The following KCNQ1 variants were observed in gnomAD, a reference collection of about 807,000 sequenced individuals.
The protein encoded by KCNQ1 is potassium voltage-gated channel subfamily KQT member 1.
Under a neutral mutation model 72.4 loss-of-function variants are expected in KCNQ1, and 49 were observed. The observed-to-expected ratio is 0.68, with a 90% CI of 0.54 to 0.86. KCNQ1 has a LOEUF of 0.86. Ranked by LOEUF, KCNQ1 falls within the 40% of genes least tolerant of loss-of-function variation. The pLI is 0.00. For missense variants in KCNQ1, 790 were observed against 945.1 expected, an observed-to-expected ratio of 0.84 and a Z score of 2.15; for synonymous variants, 450 against 412.6, an observed-to-expected ratio of 1.09 and a Z score of -1.10.
In KCNQ1 at chr11:2,445,106, C is replaced by G. The variant is rs794728543; in HGVS notation, c.8C>G (p.Ala3Gly). 1 of 1,090,190 alleles carries G rather than the reference C, an allele frequency of 9.2e-7. No homozygotes were observed. Among genetic ancestry groups the G allele is most frequent in the Admixed American group, 5.2e-5 (1 of 19,118 alleles). 67.5% of individuals were successfully genotyped at this position (1,090,190 alleles called of 1,614,324 possible). A position where few individuals can be genotyped will look rare whatever the true frequency, so the allele number is the denominator to read the frequency against. The change falls in exon 1 of 16, where the codon GCG becomes GGG. Residue 3 changes from alanine to glycine, a missense_variant. This residue lies in a region of KCNQ1 where 294 missense variants were observed against 323.3 expected (regional missense o/e 0.91). Transcript: ENST00000155840. MAAASSPPRAERK... is the reference protein window; with the variant it reads MAGASSPPRAERK... Reference sequence around the variant, plus strand: ...CGGCAGGCCCTCCTCGTTATGGCCGCGGCCTCCTCCCCGCCCAGGGCCGAG... The same window carrying G: ...CGGCAGGCCCTCCTCGTTATGGCCGGGGCCTCCTCCCCGCCCAGGGCCGAG...
At chr11:2,786,101 T>G (rs1846907264) in intron 15 of KCNQ1, among the ~76,000 whole-genome samples, 1 of 152,196 alleles carries the variant, frequency 6.6e-6, no homozygotes, top group African/African-American at 2.4e-5. Flanking sequence ...TACCTTTTTA[T>G]GTGACTGAGG....
At chr11:2,520,415 C>T (rs72847658) in intron 1 of KCNQ1, among the ~76,000 whole-genome samples, 26,574 of 152,180 alleles carry the variant, frequency 0.17, 2,580 homozygotes, top group East Asian at 0.41. Context: ...GGCCCAGGCT[C>T]CATCCATGCA....
At position 2,526,246 on chromosome 11, in the gene KCNQ1, G is replaced by A. The variant is rs1372595637; in HGVS notation, c.387-1682G>A. ...GGGTGTGTGGGCTGGGGGCGCCGAG[G>A]GTGGAGGTGGGCACTGTGGTCAGGG... On this transcript the variant is annotated intron_variant, in intron 1 of 15. Transcript: ENST00000155840. This position sits in a 1 kb window ranked among gnomAD's most constrained non-coding sequence, Gnocchi z 6.1. 6.6e-6 allele frequency among the ~76,000 whole-genome samples: 1 copy of A among 152,072 alleles called. No individual in the cohort carries two copies. The highest frequency in any genetic ancestry group is 1.5e-5 in the Non-Finnish European group (1 of 67,998).
At chr11:2,529,729 C>T (rs1315610428) in intron 2 of KCNQ1, among the ~76,000 whole-genome samples, 2 of 152,134 alleles carry the variant, frequency 1.3e-5, no homozygotes, top group African/African-American at 4.8e-5. Flanking sequence ...TTTGCGTTTC[C>T]AGATAAGGGA....
rs1174956711 is a variant in KCNQ1 at position 2,621,618 on chromosome 11, T to G, written c.1393+32764T>G. 7.5e-6 allele frequency: 3 copies of G among 398,480 alleles called. No individual in the cohort carries two copies. 24.7% of individuals were successfully genotyped at this position (398,480 alleles called of 1,614,324 possible). On this transcript the variant is annotated intron_variant, in intron 10 of 15. Transcript: ENST00000155840. This position sits in a 1 kb window ranked among gnomAD's most constrained non-coding sequence, Gnocchi z 5.7. ...TCCTGATTTAATCTTAGCAGGTTGG[T>G]TTTTTTCTAGGAATTTGTCCATTTC... is the stretch of plus-strand genomic sequence containing the variant.
chr11:2,835,610 C>T (rs1240178155), intron 15 of KCNQ1, among the ~76,000 whole-genome samples: 1 of 152,158 alleles, frequency 6.6e-6, no homozygotes, highest in Non-Finnish European at 1.5e-5. Context: ...GACCCCCTGC[C>T]GTGGCAGAGA....
chr11:2,676,400 G>C lies in KCNQ1; in HGVS notation c.1514+14319G>C, dbSNP rs1297252494. 1.0e-5 allele frequency: 4 copies of C among 398,548 alleles called. No individual in the cohort carries two copies. The highest frequency in any genetic ancestry group is 8.8e-5 in the Admixed American group (2 of 22,724). The allele number at this position is 398,548 out of a possible 1,614,324, so 24.7% of individuals were successfully genotyped here. ...GGAGCATAGTCTCTGTGTTCAGCTA[G>C]AGATTTAGCCCAATGGGCTGGGCTT... On this transcript the variant is annotated intron_variant, in intron 11 of 15. Transcript: ENST00000155840. This position sits in a 1 kb window ranked among gnomAD's most constrained non-coding sequence, Gnocchi z 4.2.
At chr11:2,774,689 G>A (rs1846659779) in intron 12 of KCNQ1, among the ~76,000 whole-genome samples, 1 of 152,156 alleles carries the variant, frequency 6.6e-6, no homozygotes, top group African/African-American at 2.4e-5. Context: ...GCTGAAAGTG[G>A]GTACATGGAG....
rs1364652042 is a variant in KCNQ1 at position 2,564,280 on chromosome 11, A to G, written c.478-6348A>G. 6.6e-6 allele frequency among the ~76,000 whole-genome samples: 1 copy of G among 152,144 alleles called. No individual in the cohort carries two copies. The highest frequency in any genetic ancestry group is 1.9e-4 in the East Asian group (1 of 5,192). ...GCCCTTCTCCTAGTTCCTGACAAAC[A>G]TGTTCTTTTTAAACATTATGGTGAA... is the stretch of plus-strand genomic sequence containing the variant. On this transcript the variant is annotated intron_variant, in intron 2 of 15. Transcript: ENST00000155840. The surrounding 1 kb of genome is among the most constrained non-coding windows in gnomAD (Gnocchi z 4.5).
chr11:2,615,190 TTGGG>T, intron 10 of KCNQ1: 1 of 398,248 alleles, frequency 2.5e-6, no homozygotes, highest in Non-Finnish European at 4.4e-6. Flanking sequence ...GACTTCCTTC[TTGGG>T]CTGTTCATTC....
chr11:2,848,182 A>G lies in KCNQ1; in HGVS notation c.*179A>G. 1.4e-6 allele frequency: 1 copy of G among 706,826 alleles called. No individual in the cohort carries two copies. The highest frequency in any genetic ancestry group is 2.5e-6 in the Non-Finnish European group (1 of 401,128). 43.8% of individuals were successfully genotyped at this position (706,826 alleles called of 1,614,324 possible). On this transcript the variant is annotated 3_prime_UTR_variant, in exon 16 of 16. Transcript: ENST00000155840. ...CACAGCCTGCACTTGGGGGCTCAGC[A>G]AGGCCACCTCTTCCTGGCCGGTGTG... is the stretch of plus-strand genomic sequence containing the variant.
intron 15 of KCNQ1, among the ~76,000 whole-genome samples, chr11:2,793,164 C>T (rs1163638335): frequency 2.0e-5 from 3 of 152,228 alleles, no homozygotes; most frequent in Admixed American, 2.0e-4. Flanking sequence ...TCATGGGCAT[C>T]AGGCAGGGCC....
chr11:2,730,461 C>A (rs1269956111), intron 11 of KCNQ1, among the ~76,000 whole-genome samples: 1 of 152,230 alleles, frequency 6.6e-6, no homozygotes, highest in Non-Finnish European at 1.5e-5. Context: ...TTCCCCACGG[C>A]CCCCTTGTCT....
intron 15 of KCNQ1, among the ~76,000 whole-genome samples, chr11:2,821,672 A>C (rs1450238559): frequency 6.6e-6 from 1 of 152,040 alleles, no homozygotes; most frequent in Non-Finnish European, 1.5e-5. Flanking sequence ...AAACCCTCCC[A>C]GCCATTTGAG....
At chr11:2,548,414 TCTGA>T (rs1847930346) in intron 2 of KCNQ1, among the ~76,000 whole-genome samples, 1 of 152,360 alleles carries the variant, frequency 6.6e-6, no homozygotes, top group African/African-American at 2.4e-5. Context: ...GTTGCTGTAT[TCTGA>T]CTTATTTGAA....
intron 11 of KCNQ1, chr11:2,662,481 G>A (rs1849979548): frequency 8.6e-6 from 4 of 467,466 alleles, no homozygotes; most frequent in African/African-American, 3.9e-5. Context: ...CAGTCTGCCA[G>A]TTGCTGCTGC....
intron 10 of KCNQ1, chr11:2,649,833 TTCTC>T (rs1849730336): frequency 2.5e-6 from 1 of 398,426 alleles, no homozygotes; most frequent in Admixed American, 4.4e-5. Context: ...GTTAGTCTCT[TTCTC>T]TCCCAAACTT....
At chr11:2,465,948 C>A (rs1417672420) in intron 1 of KCNQ1, among the ~76,000 whole-genome samples, 1 of 152,186 alleles carries the variant, frequency 6.6e-6, no homozygotes, top group Non-Finnish European at 1.5e-5. Context: ...GGCTCATGAC[C>A]TGCCCTGTCC....
chr11:2,697,795 C>G (rs1850704110), intron 11 of KCNQ1: 1 of 398,502 alleles, frequency 2.5e-6, no homozygotes, highest in Non-Finnish European at 4.4e-6. Context: ...ACTTCTGCAT[C>G]TACATTCATA....
Sources: gnomAD v4.1 joint callset for allele counts (sites outside exome capture counted in the v4.1 genomes callset) on GRCh38, gnomAD v4.1.1 for gene constraint, gnomAD v4.1.1 regional missense constraint, Gnocchi (gnomAD v3.1) non-coding constraint, MANE v1.5 for transcripts, NCBI Gene and HGNC (gene_info 2026-07-23, HGNC 2026-07-21) for gene names.